CHL1: variants seen among roughly 807,000 people sequenced by gnomAD.
CHL1 encodes the protein cell adhesion molecule L1 like.
In CHL1, 96 loss-of-function variants were observed where a neutral mutation model predicts 141.9. The observed-to-expected ratio is 0.68, with a 90% confidence interval of 0.57 to 0.80. The LOEUF is 0.80. Among genes scored for constraint, CHL1 ranks in the 30% least tolerant of loss-of-function variants. The pLI, the probability that CHL1 is intolerant of heterozygous loss-of-function variation, is 0.00. For missense variants in CHL1, 1,820 were observed against 1,457.2 expected, an observed-to-expected ratio of 1.25 and a Z score of -4.05; for synonymous variants, 613 against 502.2, an observed-to-expected ratio of 1.22 and a Z score of -2.95.
intron 5 of CHL1, among the ~76,000 whole-genome samples, chr3:338,405 C>T (rs1439529989): frequency 6.6e-6 from 1 of 152,144 alleles, no homozygotes; most frequent in Non-Finnish European, 1.5e-5. Context: ...CAGATAAACA[C>T]AGTAAATGCC....
chr3:280,668 A>G (rs1334893321), intron 2 of CHL1, among the ~76,000 whole-genome samples: 1 of 152,178 alleles, frequency 6.6e-6, no homozygotes, highest in Non-Finnish European at 1.5e-5. Flanking sequence ...TTCCACCATT[A>G]GAAACTATCA....
At chr3:299,684 C>T (rs1698541813) in intron 2 of CHL1, among the ~76,000 whole-genome samples, 1 of 152,078 alleles carries the variant, frequency 6.6e-6, no homozygotes, top group Non-Finnish European at 1.5e-5. Flanking sequence ...TACTGCAAAC[C>T]CATCCCTCTC....
intron 1 of CHL1, among the ~76,000 whole-genome samples, chr3:230,688 G>T (rs990391815): frequency 4.6e-5 from 7 of 152,070 alleles, no homozygotes; most frequent in African/African-American, 1.7e-4. Flanking sequence ...AAATGAACAT[G>T]AATAGTTGTT....
At chr3:341,660 A>C (rs1425519679) in intron 6 of CHL1, among the ~76,000 whole-genome samples, 1 of 152,164 alleles carries the variant, frequency 6.6e-6, no homozygotes, top group Non-Finnish European at 1.5e-5. Context: ...AACAGAGTTT[A>C]CCACTGTTTG....
intron 2 of CHL1, among the ~76,000 whole-genome samples, chr3:311,210 G>C (rs111304951): frequency 3.9e-4 from 60 of 152,196 alleles, no homozygotes; most frequent in African/African-American, 1.4e-3. Flanking sequence ...GTGGACATAA[G>C]TTTTCAACTC....
chr3:260,428 T>G (rs1446807088), intron 2 of CHL1, among the ~76,000 whole-genome samples: 1 of 152,216 alleles, frequency 6.6e-6, no homozygotes, highest in East Asian at 1.9e-4. Flanking sequence ...CACTATCTAT[T>G]AAGACATAAA....
intron 2 of CHL1, among the ~76,000 whole-genome samples, chr3:265,772 G>A (rs966386523): frequency 3.3e-5 from 5 of 152,154 alleles, no homozygotes; most frequent in South Asian, 2.1e-4. Flanking sequence ...TTTAAAACTC[G>A]ATGGTTTTTG....
Position 319,592 on chromosome 3 carries a change from A to G in CHL1, c.-94-91A>G. 4 of 62,752 alleles carry G rather than the reference A, an allele frequency of 6.4e-5. No individual in the cohort carries two copies. In the South Asian group the frequency reaches 1.3e-3, roughly 21 times the overall value. The allele number at this position is 62,752 out of a possible 1,614,324, so 3.9% of individuals were successfully genotyped here. A position where few individuals can be genotyped will look rare whatever the true frequency, so the allele number is the denominator to read the frequency against. On this transcript the variant is annotated intron_variant, in intron 2 of 27. Coordinates refer to ENST00000256509, the MANE Select transcript of CHL1 (RefSeq NM_006614.4). ...TAAGGAGGAAACATACTGCCAAACC[A>G]AAAAAAAAAAAAAAAAAAGAAGGTA... is the stretch of plus-strand genomic sequence containing the variant.
chr3:293,298 T>C (rs900408360), intron 2 of CHL1, among the ~76,000 whole-genome samples: 82 of 152,130 alleles, frequency 5.4e-4, no homozygotes, highest in African/African-American at 1.7e-3. Context: ...GGCCAGGAGT[T>C]TGAGACCAGC....
intron 5 of CHL1, among the ~76,000 whole-genome samples, chr3:329,420 T>G (rs188616128): frequency 3.3e-5 from 5 of 152,148 alleles, no homozygotes; most frequent in Non-Finnish European, 5.9e-5. Flanking sequence ...TGTATTTAAA[T>G]TGTCCTAAAG....
intron 1 of CHL1, among the ~76,000 whole-genome samples, chr3:215,946 A>G (rs1242102362): frequency 6.6e-6 from 1 of 152,194 alleles, no homozygotes; most frequent in Non-Finnish European, 1.5e-5. Context: ...TACTGGTTCC[A>G]CAAATCAGTC....
chr3:214,736 C>A (rs1700168930), intron 1 of CHL1, among the ~76,000 whole-genome samples: 1 of 152,012 alleles, frequency 6.6e-6, no homozygotes, highest in Admixed American at 6.6e-5. Flanking sequence ...CTTATATCTA[C>A]AAATACAGAA....
chr3:272,383 G>A (rs1263231568), intron 2 of CHL1, among the ~76,000 whole-genome samples: 1 of 152,002 alleles, frequency 6.6e-6, no homozygotes, highest in African/African-American at 2.4e-5. Context: ...TTTAGGTTTG[G>A]TAATAGAAAT....
At chr3:321,643 T>A (rs1196489296) in intron 3 of CHL1, among the ~76,000 whole-genome samples, 4 of 152,124 alleles carry the variant, frequency 2.6e-5, no homozygotes, top group Admixed American at 2.0e-4. Context: ...GGATGTGAAA[T>A]TTTGTATTAA....
chr3:255,520 T>C (rs1251582836), intron 2 of CHL1, among the ~76,000 whole-genome samples: 1 of 152,120 alleles, frequency 6.6e-6, no homozygotes, highest in Non-Finnish European at 1.5e-5. Context: ...TGTGTATACA[T>C]ACATACACAC....
intron 5 of CHL1, among the ~76,000 whole-genome samples, chr3:335,057 C>G (rs142569149): frequency 2.6e-3 from 403 of 152,284 alleles, no homozygotes; most frequent in African/African-American, 9.2e-3. Flanking sequence ...TAGAAATATT[C>G]ATGCACTAGG....
intron 5 of CHL1, among the ~76,000 whole-genome samples, chr3:333,090 T>C (rs330898): frequency 0.076 from 11,180 of 147,802 alleles, 510 homozygotes; most frequent in South Asian, 0.12. Flanking sequence ...GAGCTGGGAG[T>C]TGGATCTGAG....
At position 326,053 on chromosome 3, in the gene CHL1, T is replaced by C; in HGVS notation, c.186T>C (p.Asn62=). Reference sequence around the variant, plus strand: ...AAATTGAATGTGAAGCTAAAGGAAATCCAGAACCAACGTGAGTATTGTTTC... The same window carrying C: ...AAATTGAATGTGAAGCTAAAGGAAACCCAGAACCAACGTGAGTATTGTTTC... ...YFQIECEAKG[N]PEPTFSWTKD... is the part of the protein sequence containing the mutation. Residue 62 remains asparagine (N), a synonymous_variant, in exon 4 of 28, where the codon AAT becomes AAC. Transcript: ENST00000256509. The C allele has an allele frequency of 6.2e-7, 1 of 1,607,252 alleles. No individual in the cohort carries two copies. The highest frequency in any genetic ancestry group is 8.5e-7 in the Non-Finnish European group (1 of 1,174,750).
At chr3:392,927 A>G (rs1382211336) in intron 23 of CHL1, among the ~76,000 whole-genome samples, 1 of 149,388 alleles carries the variant, frequency 6.7e-6, no homozygotes, top group Non-Finnish European at 1.5e-5. Flanking sequence ...GAAATGTACT[A>G]TCACTATTTT....
Sources: allele counts gnomAD v4.1 joint callset (sites outside exome capture counted in the v4.1 genomes callset), GRCh38; gene constraint gnomAD v4.1.1; transcripts MANE v1.5; gene names NCBI Gene and HGNC (gene_info 2026-07-23, HGNC 2026-07-21).